Variants in ERVMER34-1 observed in about 807,000 individuals in gnomAD.
ERVMER34-1 encodes the protein endogenous retrovirus group MER34 member 1, envelope.
For missense variants in ERVMER34-1, 471 were observed against 295.1 expected (o/e 1.60, Z -4.37); for synonymous variants, 199 against 111.7 (o/e 1.78, Z -4.93).
chr4:52,749,979 G>T (rs2109417266), intron 2 of ERVMER34-1, among the ~76,000 whole-genome samples: 1 of 152,018 alleles, frequency 6.6e-6, no homozygotes, highest in South Asian at 2.1e-4. Flanking sequence ...TGATGATGAT[G>T]ATTTGAGACG....
rs1210106417 is a variant in ERVMER34-1, at chr4:52,744,469, C to A, written c.1052G>T (p.Arg351Ile). ...ATTGTCTGTGTCTCCTTGGGTGCAT[C>A]TATGCGGTGTTACTTTATGAATGAA... Reference protein sequence around the residue: ...RSFIHKVTPHRCTQGDTDNPP... With the variant: ...RSFIHKVTPHICTQGDTDNPP... The change falls in exon 3 of 3, where the codon AGA (arginine) becomes ATA (isoleucine). Residue 351 changes from arginine (R) to isoleucine (I), a missense_variant. Physicochemically the swap from Arg to Ile is moderately conservative, Grantham distance 97 (BLOSUM62 -3). Coordinates refer to ENST00000443173, the MANE Select transcript of ERVMER34-1 (RefSeq NM_001242690.2). The A allele has an allele frequency of 1.4e-6, 1 of 704,070 alleles. No individual in the cohort carries two copies. The highest frequency in any genetic ancestry group is 2.6e-6 in the Non-Finnish European group (1 of 385,012). 43.6% of individuals were successfully genotyped at this position (704,070 alleles called of 1,614,324 possible). A position where few individuals can be genotyped will look rare whatever the true frequency, so the allele number is the denominator to read the frequency against.
chr4:52,749,912 C>G (rs1489550379), intron 2 of ERVMER34-1, among the ~76,000 whole-genome samples: 2 of 152,138 alleles, frequency 1.3e-5, no homozygotes, highest in African/African-American at 4.8e-5. Flanking sequence ...CTTACACTGA[C>G]TAGGTATACC....
At chr4:52,748,392 C>G (rs1716203744) in intron 2 of ERVMER34-1, 1 of 154,914 alleles carries the variant, frequency 6.5e-6, no homozygotes, top group East Asian at 1.9e-4. Flanking sequence ...GCAGTAATGG[C>G]CCAGCAGAAT....
At chr4:52,750,815 G>A (rs978691244) in intron 2 of ERVMER34-1, 115 bp downstream of exon 2, 1 of 152,332 alleles carries the variant, frequency 6.6e-6, no homozygotes, top group African/African-American at 2.4e-5. Context: ...TCAGAGCACA[G>A]CCTCTATTGC....
chr4:52,744,959 C>T lies in ERVMER34-1; in HGVS notation c.562G>A (p.Ala188Thr). 1 of 704,126 alleles carries T rather than the reference C, an allele frequency of 1.4e-6. No individual in the cohort carries two copies. The highest frequency in any genetic ancestry group is 1.5e-5 in the South Asian group (1 of 67,604). 43.6% of individuals were successfully genotyped at this position (704,126 alleles called of 1,614,324 possible). A position where few individuals can be genotyped will look rare whatever the true frequency, so the allele number is the denominator to read the frequency against. The stretch of plus-strand genomic sequence containing the variant: ...TTCCAGGTCCGGTTTGTGCAACCTG[C>T]AAACCAGGAACATTGTCTAGTGCCT... The part of the protein sequence containing the change: ...CLGTRQCSWF[A>T]GCTNRTWNSS... The change falls in exon 3 of 3, where the codon GCA becomes ACA. Residue 188 changes from alanine (A) to threonine (T), a missense_variant. Transcript: ENST00000443173.
Position 52,745,710 on chromosome 4 carries a change from C to T in ERVMER34-1, c.-190G>A, listed in dbSNP as rs1716140202. The T allele has an allele frequency of 3.4e-6, 2 of 583,442 alleles. No individual in the cohort carries two copies. Among genetic ancestry groups the T allele is most frequent in the African/African-American group, 3.7e-5 (2 of 53,724 alleles). 36.1% of individuals were successfully genotyped at this position (583,442 alleles called of 1,614,324 possible). On this transcript the variant is annotated 5_prime_UTR_variant, in exon 3 of 3. Coordinates refer to ENST00000443173, the MANE Select transcript of ERVMER34-1 (RefSeq NM_001242690.2). ...TGAGTAAAGCTGTCTACTTCATCTG[C>T]TCATGGAGCCTGTGAGTAGGTGCCA...
chr4:52,745,152 A>G lies in ERVMER34-1; in HGVS notation c.369T>C (p.Phe123=), dbSNP rs1560436891. Residue 123 remains phenylalanine, a synonymous_variant, in exon 3 of 3, where the codon TTT becomes TTC. Transcript: ENST00000443173. ...FAQVRLLEGN[F]SLCVENKNGS... is the part of the protein sequence containing the mutation. ...CATTTTTATTTTCTACGCAAAGAGA[A>G]AAATTTCCCTCCAATAACCTTACTT... 1.4e-6 allele frequency: 1 copy of G among 704,132 alleles called. No individual in the cohort carries two copies. Among genetic ancestry groups the G allele is most frequent in the East Asian group, 2.7e-5 (1 of 37,290 alleles). 43.6% of individuals were successfully genotyped at this position (704,132 alleles called of 1,614,324 possible).
At chr4:52,748,472 A>G (rs1716204843) in intron 2 of ERVMER34-1, among the ~76,000 whole-genome samples, 1 of 152,200 alleles carries the variant, frequency 6.6e-6, no homozygotes, top group African/African-American at 2.4e-5. Context: ...TCCCAGAACC[A>G]GATTTCAATG....
chr4:52,744,983 C>T lies in ERVMER34-1; in HGVS notation c.538G>A (p.Gly180Ser). The change falls in exon 3 of 3, where the codon GGC becomes AGC. Residue 180 changes from glycine (G) to serine (S), a missense_variant. Coordinates refer to ENST00000443173, the MANE Select transcript of ERVMER34-1 (RefSeq NM_001242690.2). ...GCAAACCAGGAACATTGTCTAGTGC[C>T]TAGGCAAACACTTGTATCATCATCA... Reference protein sequence around the residue: ...NDDDDTSVCLGTRQCSWFAGC... With the variant: ...NDDDDTSVCLSTRQCSWFAGC... The T allele has an allele frequency of 2.8e-6, 2 of 704,152 alleles. No individual in the cohort carries two copies. The highest frequency in any genetic ancestry group is 4.6e-4 in the Middle Eastern group (2 of 4,370). 43.6% of individuals were successfully genotyped at this position (704,152 alleles called of 1,614,324 possible).
At chr4:52,747,739 T>TA (rs1365763737) in intron 2 of ERVMER34-1, among the ~76,000 whole-genome samples, 1 of 152,114 alleles carries the variant, frequency 6.6e-6, no homozygotes. Context: ...ATTGCAGACT[T>TA]AAAGAAACTG....
rs1296134138 is a variant in ERVMER34-1, at chr4:52,745,482, G to T, written c.39C>A (p.Thr13=). Residue 13 remains threonine (T), a synonymous_variant, in exon 3 of 3, where the codon ACC becomes ACA. Coordinates refer to ENST00000443173, the MANE Select transcript of ERVMER34-1 (RefSeq NM_001242690.2). ...SLSNYALLQL[T]LTAFLTILVQ... ...CTAGAATTGTCAAAAAAGCAGTAAG[G>T]GTTAGTTGAAGCAGGGCATAGTTTG... 2.8e-6 allele frequency: 2 copies of T among 704,124 alleles called. No homozygotes were observed. The highest frequency in any genetic ancestry group is 3.5e-5 in the African/African-American group (2 of 57,384). The allele number at this position is 704,124 out of a possible 1,614,324, so 43.6% of individuals were successfully genotyped here.
rs1023317331 is a variant in ERVMER34-1, at chr4:52,744,944, G to C, written c.577C>G (p.Arg193Gly). ...QCSWFAGCTNRTWNSSAVPLI... is the reference protein window; with the variant it reads ...QCSWFAGCTNGTWNSSAVPLI... ...GGAACAGCTGAGCTGTTCCAGGTCC[G>C]GTTTGTGCAACCTGCAAACCAGGAA... The change falls in exon 3 of 3, where the codon CGG (arginine) becomes GGG (glycine). Residue 193 changes from arginine (R) to glycine (G), a missense_variant. Coordinates refer to ENST00000443173, the MANE Select transcript of ERVMER34-1 (RefSeq NM_001242690.2). The C allele has an allele frequency of 7.1e-6, 5 of 703,946 alleles. No homozygotes were observed. The highest frequency in any genetic ancestry group is 1.3e-5 in the Non-Finnish European group (5 of 385,014). The allele number at this position is 703,946 out of a possible 1,614,324, so 43.6% of individuals were successfully genotyped here.
chr4:52,747,318 C>A (rs976051072), intron 2 of ERVMER34-1, among the ~76,000 whole-genome samples: 1 of 152,136 alleles, frequency 6.6e-6, no homozygotes, highest in Non-Finnish European at 1.5e-5. Context: ...TCAGAGATAA[C>A]AAGGGGCCAA....
intron 2 of ERVMER34-1, among the ~76,000 whole-genome samples, chr4:52,749,181 C>T (rs1164450162): frequency 6.6e-6 from 1 of 152,172 alleles, no homozygotes; most frequent in Non-Finnish European, 1.5e-5. Flanking sequence ...GCATATTTTT[C>T]ATGTCAGTTG....
Position 52,743,872 on chromosome 4 carries a change from A to G in ERVMER34-1, c.1649T>C (p.Met550Thr). The change falls in exon 3 of 3, where the codon ATG becomes ACG. Residue 550 changes from methionine (M) to threonine (T), a missense_variant. Met to Thr is a moderately conservative substitution (Grantham distance 81). Coordinates refer to ENST00000443173, the MANE Select transcript of ERVMER34-1 (RefSeq NM_001242690.2). Reference sequence around the variant, plus strand: ...ATATTGATGGGTTGTTAGTCCCTTCATTGCCCTATTTGAAACTTGACATGA... The same window carrying G: ...ATATTGATGGGTTGTTAGTCCCTTCGTTGCCCTATTTGAAACTTGACATGA... ...ETSCQVSNRAMKGLTTHQYDT... is the reference protein window; with the variant it reads ...ETSCQVSNRATKGLTTHQYDT... The G allele has an allele frequency of 6.5e-7, 1 of 1,528,790 alleles. No homozygotes were observed. Among genetic ancestry groups the G allele is most frequent in the East Asian group, 2.4e-5 (1 of 40,830 alleles). The allele number at this position is 1,528,790 out of a possible 1,614,324, so 94.7% of individuals were successfully genotyped here.
At chr4:52,749,260 C>T (rs752743285) in intron 2 of ERVMER34-1, among the ~76,000 whole-genome samples, 2 of 152,262 alleles carry the variant, frequency 1.3e-5, no homozygotes, top group South Asian at 4.1e-4. Context: ...ATTGACAAAG[C>T]CATTAACCTT....
rs931510056 is a variant in ERVMER34-1, at chr4:52,743,678, A to G, written c.*151T>C. 6.3e-6 allele frequency: 4 copies of G among 636,306 alleles called. No individual in the cohort carries two copies. The highest frequency in any genetic ancestry group is 1.0e-5 in the Non-Finnish European group (4 of 382,940). 39.4% of individuals were successfully genotyped at this position (636,306 alleles called of 1,614,324 possible). On this transcript the variant is annotated 3_prime_UTR_variant, in exon 3 of 3. Coordinates refer to ENST00000443173, the MANE Select transcript of ERVMER34-1 (RefSeq NM_001242690.2). ...CAAAAAGTTCTGATAAGGCTTATTT[A>G]CAATACCTTGGGAGGTCCTAGTGCT...
intron 1 of ERVMER34-1, 124 bp from the exon 2 acceptor site, chr4:52,751,193 C>A (rs1461062273): frequency 1.3e-5 from 2 of 152,228 alleles, no homozygotes; most frequent in African/African-American, 2.4e-5. Flanking sequence ...CGTCCGCCCC[C>A]TGGGCCGCCG....
Position 52,743,883 on chromosome 4 carries a change from T to C in ERVMER34-1, c.1638A>G (p.Ser546=). 5.2e-6 allele frequency: 8 copies of C among 1,524,942 alleles called. No homozygotes were observed. Among genetic ancestry groups the C allele is most frequent in the Non-Finnish European group, 7.0e-6 (8 of 1,137,488 alleles). 94.5% of individuals were successfully genotyped at this position (1,524,942 alleles called of 1,614,324 possible). ...LLVSETSCQV[S]NRAMKGLTTH... ...TTGTTAGTCCCTTCATTGCCCTATT[T>C]GAAACTTGACATGAAGTTTCACTGA... The change falls in exon 3 of 3, where the codon TCA becomes TCG. Residue 546 remains serine, a synonymous_variant. Coordinates refer to ENST00000443173, the MANE Select transcript of ERVMER34-1 (RefSeq NM_001242690.2).
Sources: allele counts gnomAD v4.1 joint callset (sites outside exome capture counted in the v4.1 genomes callset), GRCh38; gene constraint gnomAD v4.1.1; transcripts MANE v1.5; gene names NCBI Gene and HGNC (gene_info 2026-07-23, HGNC 2026-07-21).